The following ATG7 variants were observed in gnomAD, a reference collection of about 807,000 sequenced individuals.
ATG7 encodes the protein autophagy related 7.
Under a neutral mutation model 82.4 loss-of-function variants are expected in ATG7, and 70 were observed. The ratio of observed to expected loss-of-function variants is 0.85; its 90% CI spans 0.70 to 1.04. The LOEUF (loss-of-function observed/expected upper bound fraction) is 1.04, where lower values mean the gene tolerates loss of function less well. Ranked by LOEUF, ATG7 falls within the 50% of genes least tolerant of loss-of-function variation. ATG7 has a pLI of 0.00. For missense variants in ATG7, 792 were observed against 864.3 expected, an observed-to-expected ratio of 0.92 and a Z score of 1.05; for synonymous variants, 287 against 313.0, an observed-to-expected ratio of 0.92 and a Z score of 0.88.
intron 5 of ATG7, among the ~76,000 whole-genome samples, chr3:11,302,599 A>G (rs1946963239): frequency 6.6e-6 from 1 of 152,230 alleles, no homozygotes; most frequent in South Asian, 2.1e-4. Flanking sequence ...TTTGCATTAT[A>G]GTGTGCTCAG....
At chr3:11,485,253 T>C (rs548123058) in intron 20 of ATG7, among the ~76,000 whole-genome samples, 6 of 152,244 alleles carry the variant, frequency 3.9e-5, no homozygotes, top group South Asian at 2.1e-4. Flanking sequence ...GTGTGAGATA[T>C]CTCATTGTGG....
rs563590954 is a variant in ATG7, at chr3:11,408,203, C to T, written c.1957-18601C>T. 1.2e-4 allele frequency among the ~76,000 whole-genome samples: 18 copies of T among 152,332 alleles called. No individual in the cohort carries two copies. In the South Asian group the frequency reaches 3.7e-3, roughly 32 times the overall value. ...TTCAAAGTTCCACAAATCTCTAGGG[C>T]AGGACAAAATGACACCAGTCTCTTT... On this transcript the variant is annotated intron_variant, in intron 19 of 20. Transcript: ENST00000693202.
In ATG7 at chr3:11,313,888, C is replaced by T. The variant is rs1032970691; in HGVS notation, c.528+468C>T. On this transcript the variant is annotated intron_variant, in intron 8 of 20. Coordinates refer to ENST00000693202, the MANE Select transcript of ATG7 (RefSeq NM_001349232.2). ...GTGCTGGGATTACAGGCATGAGCCA[C>T]CCTGCCTGGTCTGTAAAGTCATTTT... Among the ~76,000 whole-genome samples the T allele has an allele frequency of 5.3e-5, 8 of 152,300 alleles. 1 individual carries two copies. Among genetic ancestry groups the T allele is most frequent in the African/African-American group, 4.8e-5 (2 of 41,544 alleles).
intron 19 of ATG7, among the ~76,000 whole-genome samples, chr3:11,419,058 C>T (rs1235326672): frequency 2.0e-5 from 3 of 152,094 alleles, no homozygotes; most frequent in African/African-American, 7.2e-5. Flanking sequence ...AGAGCCAAAG[C>T]ATATCAAGTG....
intron 19 of ATG7, among the ~76,000 whole-genome samples, chr3:11,399,371 G>T (rs1337922790): frequency 6.6e-6 from 1 of 151,962 alleles, no homozygotes. Flanking sequence ...ATATAAATCG[G>T]ATGGAAAAGA....
chr3:11,517,771 T>A (rs2092325503), intron 20 of ATG7, among the ~76,000 whole-genome samples: 1 of 152,232 alleles, frequency 6.6e-6, no homozygotes, highest in Non-Finnish European at 1.5e-5. Flanking sequence ...CTTAGGTGGC[T>A]CAGCAGAGCT....
chr3:11,333,216 C>A, intron 11 of ATG7, 123 bp downstream of exon 11: 1 of 1,281,062 alleles, frequency 7.8e-7, no homozygotes, highest in Non-Finnish European at 1.0e-6. Flanking sequence ...ACTTGTACCT[C>A]TTTGCCAATG....
At chr3:11,429,217 G>A (rs376802458) in intron 20 of ATG7, among the ~76,000 whole-genome samples, 2 of 152,048 alleles carry the variant, frequency 1.3e-5, no homozygotes, top group African/African-American at 4.8e-5. Flanking sequence ...AGTTTTAGGC[G>A]GGGCGTGGTG....
chr3:11,272,845 G>T (rs79086200), intron 1 of ATG7: 1 of 152,354 alleles, frequency 6.6e-6, no homozygotes, highest in East Asian at 1.9e-4. Context: ...TGCAAAATGG[G>T]AATGATAATC....
At chr3:11,486,287 T>C (rs1339032920) in intron 20 of ATG7, among the ~76,000 whole-genome samples, 1 of 152,250 alleles carries the variant, frequency 6.6e-6, no homozygotes, top group Non-Finnish European at 1.5e-5. Flanking sequence ...CTAGGTATTT[T>C]ATTCTCTTTG....
chr3:11,331,356 A>G lies in ATG7; in HGVS notation c.695A>G (p.Tyr232Cys). 5 of 1,613,514 alleles carry G rather than the reference A, an allele frequency of 3.1e-6. No homozygotes were observed. Among genetic ancestry groups the G allele is most frequent in the Non-Finnish European group, 4.2e-6 (5 of 1,179,406 alleles). ...TGTTCACAGATAACAATTGGTGTAT[A>G]TGATCCCTGTAACTTAGCCCAGTAC... ...GQRTKITIGVYDPCNLAQYPG... is the reference protein window; with the variant it reads ...GQRTKITIGVCDPCNLAQYPG... Residue 232 changes from tyrosine (Y) to cysteine (C), a missense_variant, in exon 10 of 21, where the codon TAT becomes TGT. Tyr to Cys is a radical substitution (Grantham distance 194). Transcript: ENST00000693202.
intron 20 of ATG7, among the ~76,000 whole-genome samples, chr3:11,483,536 A>T (rs73812463): frequency 6.6e-6 from 1 of 152,214 alleles, no homozygotes; most frequent in Non-Finnish European, 1.5e-5. Context: ...AATGTCAAGC[A>T]TGTTGAATTG....
intron 20 of ATG7, among the ~76,000 whole-genome samples, chr3:11,431,771 C>T (rs1046292368): frequency 6.6e-6 from 1 of 152,116 alleles, no homozygotes; most frequent in African/African-American, 2.4e-5. Context: ...TTCTTTGCAC[C>T]TGTGGTCTGT....
At chr3:11,559,605 T>C, downstream of ATG7, 1 of 1,246,286 alleles carries the variant, frequency 8.0e-7, no homozygotes, top group Non-Finnish European at 1.1e-6. Context: ...GTCCTGTTGC[T>C]AAACACAGCC....
intron 19 of ATG7, 151 bp downstream of exon 19, chr3:11,380,203 ATGGATCT>A: frequency 1.5e-6 from 1 of 670,338 alleles, no homozygotes; most frequent in Non-Finnish European, 2.6e-6. Context: ...CTTTGTTTTC[ATGGATCT>A]GTATTCATTC....
intron 3 of ATG7, among the ~76,000 whole-genome samples, chr3:11,296,407 T>A (rs60873262): frequency 6.6e-6 from 1 of 152,296 alleles, no homozygotes; most frequent in South Asian, 2.1e-4. Flanking sequence ...AGATACCAAG[T>A]TAGGTCACCT....
chr3:11,382,565 ATT>A (rs1441776213), intron 19 of ATG7, among the ~76,000 whole-genome samples: 1 of 152,156 alleles, frequency 6.6e-6, no homozygotes, highest in Non-Finnish European at 1.5e-5. Context: ...AACAGATGGT[ATT>A]TGTCAATGAA....
the ATG7 span, among the ~76,000 whole-genome samples, chr3:11,568,215 G>A: frequency 2.6e-5 from 4 of 152,326 alleles, no homozygotes; most frequent in Admixed American, 6.5e-5. The surrounding 1 kb of genome is among the most constrained non-coding windows in gnomAD (Gnocchi z 5.9). Context: ...CAAAGTCGTG[G>A]TACATAAGGC....
At chr3:11,492,781 C>A (rs754609073) in intron 20 of ATG7, among the ~76,000 whole-genome samples, 8 of 152,218 alleles carry the variant, frequency 5.3e-5, no homozygotes, top group Non-Finnish European at 1.0e-4. Context: ...CCACCCCTTG[C>A]GGGAGGGAGC....
Sources: gnomAD v4.1 joint callset for allele counts (sites outside exome capture counted in the v4.1 genomes callset) on GRCh38, gnomAD v4.1.1 for gene constraint, Gnocchi (gnomAD v3.1) non-coding constraint, MANE v1.5 for transcripts, NCBI Gene and HGNC (gene_info 2026-07-23, HGNC 2026-07-21) for gene names.